Variants in GALNT11 observed in about 807,000 individuals in gnomAD.
GALNT11 encodes the protein polypeptide N-acetylgalactosaminyltransferase 11.
A neutral mutation model predicts 72.7 loss-of-function variants in GALNT11; 47 were observed. The ratio of observed to expected loss-of-function variants is 0.65; its 90% CI spans 0.51 to 0.82. The LOEUF (loss-of-function observed/expected upper bound fraction) is 0.82. Ranked by LOEUF, GALNT11 falls within the 40% of genes least tolerant of loss-of-function variation. The pLI is 0.00. For synonymous variants in GALNT11, 270 were observed against 286.6 expected, an observed-to-expected ratio of 0.94 and a Z score of 0.58; for missense variants, 677 against 778.4, an observed-to-expected ratio of 0.87 and a Z score of 1.55.
intron 1 of GALNT11, among the ~76,000 whole-genome samples, chr7:152,061,250 C>T (rs1027867499): frequency 6.6e-6 from 1 of 152,090 alleles, no homozygotes; most frequent in Non-Finnish European, 1.5e-5. Flanking sequence ...TTTCATGTGT[C>T]TATTGTCTGC....
intron 8 of GALNT11, among the ~76,000 whole-genome samples, chr7:152,113,712 C>CTTTTTTTTTTTTTTTTTTTTTTT (rs6150397): frequency 2.1e-5 from 2 of 97,028 alleles, no homozygotes; most frequent in African/African-American, 4.6e-5. Context: ...AGTTGGCTTT[C>CTTTTTTTTTTTTTTTTTTTTTTT]TTTTTTTTTT....
intron 1 of GALNT11, among the ~76,000 whole-genome samples, chr7:152,087,302 A>G (rs1394887980): frequency 1.3e-5 from 2 of 152,234 alleles, no homozygotes; most frequent in African/African-American, 2.4e-5. Flanking sequence ...AGAAGAAGAT[A>G]TTCGAGCAAA....
chr7:152,072,538 A>G (rs1288748411), intron 1 of GALNT11, among the ~76,000 whole-genome samples: 1 of 152,274 alleles, frequency 6.6e-6, no homozygotes, highest in East Asian at 1.9e-4. Context: ...ACATGCTCAC[A>G]GGCACATAAT....
At position 152,058,428 on chromosome 7, in the gene GALNT11, G is replaced by A. The variant is rs1005420153; in HGVS notation, c.-39+32544G>A. Among the ~76,000 whole-genome samples the A allele has an allele frequency of 6.6e-5, 10 of 152,126 alleles. No individual in the cohort carries two copies. In the East Asian group the frequency reaches 9.7e-4, roughly 15 times the overall value. ...CGGCTCACCGCAACCTCTGCCTCCC[G>A]GTTCAAGCGATACTCCTGCCTCAGC... On this transcript the variant is annotated intron_variant, in intron 1 of 11. Transcript: ENST00000430044.
At chr7:152,030,687 C>CCT (rs1296455491) in intron 1 of GALNT11, among the ~76,000 whole-genome samples, 2 of 151,684 alleles carry the variant, frequency 1.3e-5, no homozygotes, top group African/African-American at 2.4e-5. Context: ...TCTGTCTCTT[C>CCT]CTCTCTCTCT....
At chr7:152,080,519 A>T (rs1023595771) in intron 1 of GALNT11, among the ~76,000 whole-genome samples, 1 of 152,200 alleles carries the variant, frequency 6.6e-6, no homozygotes, top group East Asian at 1.9e-4. Flanking sequence ...GCAGTATAGC[A>T]TTTTGTAGAT....
intron 4 of GALNT11, chr7:152,104,994 C>G (rs2087375217): frequency 3.5e-6 from 1 of 288,468 alleles, no homozygotes; most frequent in African/African-American, 2.2e-5. Context: ...GTGCTCGATG[C>G]TATGGAGATA....
chr7:152,068,606 A>G (rs1212799065), intron 1 of GALNT11, among the ~76,000 whole-genome samples: 1 of 152,188 alleles, frequency 6.6e-6, no homozygotes, highest in African/African-American at 2.4e-5. Context: ...TGGGAACAGT[A>G]TGATGACTGG....
intron 1 of GALNT11, among the ~76,000 whole-genome samples, chr7:152,067,350 T>G (rs538351167): frequency 6.6e-6 from 1 of 152,354 alleles, no homozygotes; most frequent in African/African-American, 2.4e-5. Flanking sequence ...AGCCCACCCT[T>G]GAGGGCGAAG....
chr7:152,105,481 T>C (rs1159025474), intron 5 of GALNT11, 111 bp downstream of exon 5: 1 of 1,452,868 alleles, frequency 6.9e-7, no homozygotes, highest in Non-Finnish European at 9.2e-7. Context: ...CAAACGGACA[T>C]TGCCAGCAGG....
intron 1 of GALNT11, among the ~76,000 whole-genome samples, chr7:152,032,515 T>C (rs577067049): frequency 1.3e-5 from 2 of 152,370 alleles, no homozygotes; most frequent in South Asian, 4.1e-4. Context: ...TCGGTTTTTG[T>C]ACTCCTAGAA....
At chr7:152,042,185 C>T (rs148376973) in intron 1 of GALNT11, among the ~76,000 whole-genome samples, 5 of 152,310 alleles carry the variant, frequency 3.3e-5, no homozygotes, top group African/African-American at 1.2e-4. Context: ...TAAATACAAA[C>T]CATTCACAGT....
chr7:152,036,527 A>G (rs750442258), intron 1 of GALNT11, among the ~76,000 whole-genome samples: 2 of 152,130 alleles, frequency 1.3e-5, no homozygotes, highest in African/African-American at 2.4e-5. Context: ...TATCTTGGCT[A>G]TTGTGAACAG....
intron 1 of GALNT11, among the ~76,000 whole-genome samples, chr7:152,079,564 G>A (rs578147131): frequency 6.6e-6 from 1 of 152,198 alleles, no homozygotes; most frequent in Non-Finnish European, 1.5e-5. Context: ...TTGTCTTACA[G>A]AGAAGAGATT....
chr7:152,079,642 C>T (rs1488228026), intron 1 of GALNT11, among the ~76,000 whole-genome samples: 3 of 152,194 alleles, frequency 2.0e-5, no homozygotes, highest in Admixed American at 6.5e-5. Context: ...TGCTCTGAAC[C>T]TTTCCTAATT....
At chr7:152,040,524 C>T (rs1352561466) in intron 1 of GALNT11, among the ~76,000 whole-genome samples, 2 of 152,150 alleles carry the variant, frequency 1.3e-5, no homozygotes, top group African/African-American at 2.4e-5. Context: ...AGCAACAAGG[C>T]GATCAGCCAT....
chr7:152,102,460 T>C (rs964368651), intron 3 of GALNT11, among the ~76,000 whole-genome samples: 1 of 151,950 alleles, frequency 6.6e-6, no homozygotes, highest in South Asian at 2.1e-4. Flanking sequence ...GAGAATCGCT[T>C]GAACCAGGGA....
intron 1 of GALNT11, among the ~76,000 whole-genome samples, chr7:152,075,914 T>A (rs1193010210): frequency 1.3e-5 from 2 of 151,244 alleles, no homozygotes; most frequent in East Asian, 3.9e-4. Flanking sequence ...ACAAAAAAAT[T>A]AGCTGGCCGT....
At chr7:152,068,174 C>T (rs1350871243) in intron 1 of GALNT11, among the ~76,000 whole-genome samples, 1 of 152,144 alleles carries the variant, frequency 6.6e-6, no homozygotes, top group African/African-American at 2.4e-5. Flanking sequence ...ATATTGAACC[C>T]TCTGCCTCCC....
Sources: gnomAD v4.1 joint callset for allele counts (sites outside exome capture counted in the v4.1 genomes callset) on GRCh38, gnomAD v4.1.1 for gene constraint, MANE v1.5 for transcripts, NCBI Gene and HGNC (gene_info 2026-07-23, HGNC 2026-07-21) for gene names.